GTF2E2: variants seen among roughly 807,000 people sequenced by gnomAD.
The protein encoded by GTF2E2 is general transcription factor IIE subunit 2, also known as transcription initiation factor IIE subunit beta.
A neutral mutation model predicts 40.5 loss-of-function variants in GTF2E2; 21 were observed. That is an observed-to-expected ratio of 0.52 (90% CI 0.37 to 0.75). GTF2E2 has a LOEUF of 0.75. Among genes scored for constraint, GTF2E2 ranks in the 30% least tolerant of loss-of-function variants. The pLI is 0.00. For missense variants in GTF2E2, 298 were observed against 338.4 expected (o/e 0.88, Z 0.94); for synonymous variants, 117 against 121.6 (o/e 0.96, Z 0.25).
At chr8:30,619,927 G>A (rs1444098604) in intron 3 of GTF2E2, among the ~76,000 whole-genome samples, 1 of 152,012 alleles carries the variant, frequency 6.6e-6, no homozygotes, top group African/African-American at 2.4e-5. Flanking sequence ...AGATTTCCAG[G>A]TGTCCCTTAA....
intron 3 of GTF2E2, among the ~76,000 whole-genome samples, chr8:30,627,311 T>C (rs893953350): frequency 2.0e-5 from 3 of 152,050 alleles, no homozygotes; most frequent in African/African-American, 4.8e-5. Context: ...AAAACTACCA[T>C]AAACAAAGGG....
At chr8:30,617,624 C>T (rs147837072) in intron 3 of GTF2E2, among the ~76,000 whole-genome samples, 1 of 151,962 alleles carries the variant, frequency 6.6e-6, no homozygotes, top group Non-Finnish European at 1.5e-5. Flanking sequence ...TGGTGGCACA[C>T]GCCTATAGTC....
chr8:30,591,358 C>T lies in GTF2E2; in HGVS notation c.644-10962G>A, dbSNP rs1423476290. Among the ~76,000 whole-genome samples the T allele has an allele frequency of 2.0e-5, 3 of 152,052 alleles. No individual in the cohort carries two copies. In the East Asian group the frequency reaches 5.8e-4, roughly 29 times the overall value. ...AATATTACCCAGGTACCGTGGCACA[C>T]CTGTTGCCCTAGCTACTCAGGAGGC... On this transcript the variant is annotated intron_variant, in intron 6 of 7. Coordinates refer to ENST00000355904, the MANE Select transcript of GTF2E2 (RefSeq NM_002095.6).
chr8:30,651,969 G>GC (rs1280477025), intron 2 of GTF2E2, among the ~76,000 whole-genome samples: 1 of 152,086 alleles, frequency 6.6e-6, no homozygotes, highest in African/African-American at 2.4e-5. Context: ...AATTCAACAG[G>GC]GGAAAGATCA....
At chr8:30,591,616 T>C (rs1306703503) in intron 6 of GTF2E2, among the ~76,000 whole-genome samples, 1 of 152,222 alleles carries the variant, frequency 6.6e-6, no homozygotes, top group Non-Finnish European at 1.5e-5. Context: ...TCCACCAGAA[T>C]GGCTAAAATC....
At chr8:30,637,139 A>G (rs1801629259) in intron 2 of GTF2E2, 4 of 435,828 alleles carry the variant, frequency 9.2e-6, no homozygotes, top group Admixed American at 7.8e-5. Flanking sequence ...TGTAATAAAC[A>G]GCCTTTACAC....
At position 30,606,647 on chromosome 8, in the gene GTF2E2, T is replaced by A. The variant is rs10503874; in HGVS notation, c.643+410A>T. Among the ~76,000 whole-genome samples, 1,039 of 152,342 alleles carry A rather than the reference T, an allele frequency of 6.8e-3. 58 individuals carry two copies. Among genetic ancestry groups the A allele is most frequent in the Admixed American group, 0.06 (922 of 15,300 alleles). On this transcript the variant is annotated intron_variant, in intron 6 of 7. Coordinates refer to ENST00000355904, the MANE Select transcript of GTF2E2 (RefSeq NM_002095.6). ...AAGAAAAACATCATCTCCTTCCTTA[T>A]TCAATTTGATAACTGAAAGATTCAT... is the stretch of plus-strand genomic sequence containing the variant.
intron 3 of GTF2E2, among the ~76,000 whole-genome samples, chr8:30,619,056 C>A (rs1227245485): frequency 3.3e-5 from 5 of 152,166 alleles, no homozygotes; most frequent in Admixed American, 2.0e-4. Context: ...GATCCTCCTG[C>A]CTCAGCCTCC....
chr8:30,627,631 C>A (rs1265734180), intron 3 of GTF2E2, among the ~76,000 whole-genome samples: 1 of 152,012 alleles, frequency 6.6e-6, no homozygotes, highest in Admixed American at 6.6e-5. Context: ...GAGTTTAAGA[C>A]CAGCCTGGCA....
rs189401261 is a variant in GTF2E2, at chr8:30,618,582, A to C, written c.259-3867T>G. Among the ~76,000 whole-genome samples, 526 of 152,276 alleles carry C rather than the reference A, an allele frequency of 3.5e-3. 5 individuals are homozygous for C. The highest frequency in any genetic ancestry group is 0.012 in the African/African-American group (501 of 41,542). The stretch of plus-strand genomic sequence containing the variant: ...GAGAATTTTTTTTTAAAGACCTTTC[A>C]AAGGTAGACATTGTACAATGGTTTC... On this transcript the variant is annotated intron_variant, in intron 3 of 7. Transcript: ENST00000355904.
intron 6 of GTF2E2, among the ~76,000 whole-genome samples, chr8:30,586,672 C>T (rs1828695568): frequency 6.6e-6 from 1 of 152,216 alleles, no homozygotes; most frequent in African/African-American, 2.4e-5. Flanking sequence ...CAGCATGGGA[C>T]TGGCATAAAC....
intron 3 of GTF2E2, among the ~76,000 whole-genome samples, chr8:30,619,531 C>G (rs953396670): frequency 6.6e-6 from 1 of 150,814 alleles, no homozygotes; most frequent in African/African-American, 2.5e-5. Flanking sequence ...TGGGACTATA[C>G]GCGTGCACCA....
At chr8:30,648,576 G>C (rs895342736) in intron 2 of GTF2E2, among the ~76,000 whole-genome samples, 1 of 152,202 alleles carries the variant, frequency 6.6e-6, no homozygotes, top group African/African-American at 2.4e-5. Flanking sequence ...TTTGGCCAAT[G>C]AGTGACTTGT....
At chr8:30,641,602 G>A (rs1032905491) in intron 2 of GTF2E2, among the ~76,000 whole-genome samples, 10 of 152,138 alleles carry the variant, frequency 6.6e-5, no homozygotes, top group South Asian at 4.1e-4. Context: ...TTGGCCAGGC[G>A]CGGTGGCTCA....
intron 2 of GTF2E2, among the ~76,000 whole-genome samples, chr8:30,647,422 A>G (rs529587688): frequency 6.6e-6 from 1 of 152,234 alleles, no homozygotes; most frequent in South Asian, 2.1e-4. Flanking sequence ...CTCTACTAAA[A>G]ATACAAAAAA....
chr8:30,583,092 G>C (rs570238108), intron 6 of GTF2E2, among the ~76,000 whole-genome samples: 8 of 152,246 alleles, frequency 5.3e-5, no homozygotes, highest in Non-Finnish European at 1.2e-4. Context: ...CCAGCACTTT[G>C]GGAGGCCGAG....
intron 2 of GTF2E2, among the ~76,000 whole-genome samples, chr8:30,652,347 T>C (rs1395070726): frequency 2.0e-5 from 3 of 152,048 alleles, no homozygotes; most frequent in African/African-American, 7.2e-5. Flanking sequence ...AGCCAGAATA[T>C]ATGAAGAATT....
intron 2 of GTF2E2, among the ~76,000 whole-genome samples, chr8:30,637,612 C>A (rs1274956383): frequency 6.6e-6 from 1 of 152,164 alleles, no homozygotes; most frequent in East Asian, 1.9e-4. Context: ...CAACCTCTGC[C>A]ATTCGGGTTC....
chr8:30,643,642 A>G (rs1355229841), intron 2 of GTF2E2: 1 of 141,122 alleles, frequency 7.1e-6, no homozygotes, highest in Non-Finnish European at 1.5e-5. Flanking sequence ...CCTGGGCAAC[A>G]GAGCAAGACT....
Sources: allele counts gnomAD v4.1 joint callset (sites outside exome capture counted in the v4.1 genomes callset), GRCh38; gene constraint gnomAD v4.1.1; transcripts MANE v1.5; gene names NCBI Gene and HGNC (gene_info 2026-07-23, HGNC 2026-07-21).